Variants in UNC13C observed in about 807,000 individuals in gnomAD.
The protein encoded by UNC13C is protein unc-13 homolog C.
In UNC13C, 174 loss-of-function variants were observed where a neutral mutation model predicts 245.4. That is an observed-to-expected ratio of 0.71 (90% CI 0.63 to 0.80). The LOEUF (loss-of-function observed/expected upper bound fraction) is 0.80. UNC13C is among the 30% of genes least tolerant of loss of function. The pLI, the probability that UNC13C is intolerant of heterozygous loss-of-function variation, is 0.00. For missense variants in UNC13C, 2,829 were observed against 2,602.9 expected (o/e 1.09, Z -1.89); for synonymous variants, 992 against 895.1 (o/e 1.11, Z -1.93).
chr15:54,086,301 G>T (rs1000897101), intron 2 of UNC13C, among the ~76,000 whole-genome samples: 11 of 152,130 alleles, frequency 7.2e-5, no homozygotes, highest in Non-Finnish European at 7.4e-5. Context: ...AGTTTTAAGA[G>T]ACTCGGAGTG....
Position 54,014,781 on chromosome 15 carries a change from T to C in UNC13C, c.1878T>C (p.Asp626=). Residue 626 remains aspartate (D), a synonymous_variant, in exon 2 of 33, where the codon GAT becomes GAC. Coordinates refer to ENST00000260323, the MANE Select transcript of UNC13C (RefSeq NM_001080534.3). Reference sequence around the variant, plus strand: ...AAACTGAAAACACAGAAACTGTGGATAGTGGAATGAGTAATGGCATGGTGT... The same window carrying C: ...AAACTGAAAACACAGAAACTGTGGACAGTGGAATGAGTAATGGCATGGTGT... ...QTETENTETV[D]SGMSNGMVCA... The C allele has an allele frequency of 6.2e-7, 1 of 1,613,802 alleles. No homozygotes were observed. Among genetic ancestry groups the C allele is most frequent in the Non-Finnish European group, 8.5e-7 (1 of 1,179,816 alleles).
chr15:54,532,747 C>T (rs1010295886), intron 25 of UNC13C, among the ~76,000 whole-genome samples, 170 bp from the exon 26 acceptor site: 2 of 152,066 alleles, frequency 1.3e-5, no homozygotes, highest in Non-Finnish European at 2.9e-5. Flanking sequence ...AAGTATTACA[C>T]GTAAGCTTTC....
At chr15:54,256,335 C>T (rs2036278535) in intron 8 of UNC13C, among the ~76,000 whole-genome samples, 1 of 152,136 alleles carries the variant, frequency 6.6e-6, no homozygotes, top group Admixed American at 6.5e-5. Flanking sequence ...GAAGTGAGGA[C>T]AATTCTACGA....
chr15:54,061,402 A>G (rs1251626521), intron 2 of UNC13C, among the ~76,000 whole-genome samples: 2 of 152,238 alleles, frequency 1.3e-5, no homozygotes, highest in Non-Finnish European at 2.9e-5. Flanking sequence ...CAAACAAAAG[A>G]AACACCTCTT....
At chr15:54,151,435 C>T (rs1476056383) in intron 4 of UNC13C, among the ~76,000 whole-genome samples, 2 of 152,062 alleles carry the variant, frequency 1.3e-5, no homozygotes, top group Non-Finnish European at 2.9e-5. Context: ...GATGGAGTCT[C>T]ACTCTCACTG....
At chr15:54,280,011 C>G (rs939423982) in intron 10 of UNC13C, among the ~76,000 whole-genome samples, 7 of 152,062 alleles carry the variant, frequency 4.6e-5, no homozygotes, top group Non-Finnish European at 1.0e-4. Context: ...TAAGCACATA[C>G]GTGTTTCTGG....
intron 17 of UNC13C, among the ~76,000 whole-genome samples, chr15:54,340,842 T>G (rs935946869): frequency 6.6e-6 from 1 of 152,318 alleles, no homozygotes; most frequent in African/African-American, 2.4e-5. Flanking sequence ...GGTATTTTGA[T>G]GGGAATTGCA....
At chr15:54,213,093 T>A (rs2034935953) in intron 4 of UNC13C, among the ~76,000 whole-genome samples, 1 of 152,056 alleles carries the variant, frequency 6.6e-6, no homozygotes, top group Admixed American at 6.6e-5. Flanking sequence ...AATCTTCTAA[T>A]TTCTAATTAC....
At chr15:53,912,365 A>T in the UNC13C span, 58,089 of 152,170 alleles carry the variant, frequency 0.38, 11,406 homozygotes, top group African/African-American at 0.48. Context: ...AGGCTATATG[A>T]GGAGCTGGCA....
chr15:54,222,032 A>G (rs113186091), intron 4 of UNC13C, among the ~76,000 whole-genome samples: 7,051 of 152,188 alleles, frequency 0.046, 316 homozygotes, highest in East Asian at 0.23. Context: ...CAGGCATACA[A>G]TGCATAATAA....
At chr15:54,281,345 A>G (rs997341399) in intron 10 of UNC13C, among the ~76,000 whole-genome samples, 1 of 152,218 alleles carries the variant, frequency 6.6e-6, no homozygotes, top group Non-Finnish European at 1.5e-5. Context: ...TTTGTGTTTA[A>G]GATTTATTAT....
At chr15:53,909,138 G>T in the UNC13C span, among the ~76,000 whole-genome samples, 148 of 146,714 alleles carry the variant, frequency 1.0e-3, 4 homozygotes, top group African/African-American at 3.5e-3. Flanking sequence ...CTTCCTGAGT[G>T]CCAAAGTCCT....
intron 14 of UNC13C, among the ~76,000 whole-genome samples, chr15:54,324,580 A>AT (rs956409383): frequency 9.9e-5 from 15 of 151,590 alleles, no homozygotes; most frequent in Non-Finnish European, 1.0e-4. Context: ...GATGACAGTG[A>AT]TTTTTTTTTA....
intron 19 of UNC13C, among the ~76,000 whole-genome samples, chr15:54,470,669 A>T (rs1892413739): frequency 6.7e-6 from 1 of 149,922 alleles, no homozygotes; most frequent in Admixed American, 6.7e-5. Flanking sequence ...AGATTTTTTC[A>T]ATTTTGTTTA....
rs2303406 is a variant in UNC13C, at chr15:54,627,291, C to A, written c.*178C>A. 58,367 of 587,040 alleles carry A rather than the reference C, an allele frequency of 0.099. 3,309 individuals carry two copies. Among genetic ancestry groups the A allele is most frequent in the African/African-American group, 0.17 (9,102 of 54,004 alleles). The allele number at this position is 587,040 out of a possible 1,614,324, so 36.4% of individuals were successfully genotyped here. A position where few individuals can be genotyped will look rare whatever the true frequency, so the allele number is the denominator to read the frequency against. ...ATACCAATTCTGGTCTTTGGGAAAT[C>A]AGTGTTCCATGAAGTGCCAAAATTA... On this transcript the variant is annotated 3_prime_UTR_variant, in exon 33 of 33. Coordinates refer to ENST00000260323, the MANE Select transcript of UNC13C (RefSeq NM_001080534.3).
intron 2 of UNC13C, among the ~76,000 whole-genome samples, chr15:54,133,492 CTTTAAT>C (rs1288624219): frequency 6.6e-6 from 1 of 152,122 alleles, no homozygotes; most frequent in African/African-American, 2.4e-5. Context: ...TACAAACTTA[CTTTAAT>C]CCCATTTATA....
intron 30 of UNC13C, among the ~76,000 whole-genome samples, chr15:54,620,312 T>C (rs1053131360): frequency 7.2e-5 from 11 of 152,058 alleles, no homozygotes; most frequent in African/African-American, 1.9e-4. Context: ...CGACAAGCAA[T>C]TTGAGAAAGG....
At chr15:54,397,791 C>A (rs2040101016) in intron 18 of UNC13C, among the ~76,000 whole-genome samples, 1 of 151,132 alleles carries the variant, frequency 6.6e-6, no homozygotes, top group Admixed American at 6.6e-5. Context: ...ATTTCTCATT[C>A]TTTGTTAATA....
chr15:54,495,914 T>C (rs1213328060), intron 20 of UNC13C, among the ~76,000 whole-genome samples: 1 of 151,918 alleles, frequency 6.6e-6, no homozygotes, highest in Non-Finnish European at 1.5e-5. Context: ...AAAAATGCCG[T>C]ACTATGGGGT....
Sources: allele counts gnomAD v4.1 joint callset (sites outside exome capture counted in the v4.1 genomes callset), GRCh38; gene constraint gnomAD v4.1.1; transcripts MANE v1.5; gene names NCBI Gene and HGNC (gene_info 2026-07-23, HGNC 2026-07-21).